Variants in NIBAN2 observed in about 807,000 individuals in gnomAD.
NIBAN2 encodes protein Niban 2.
In NIBAN2, 36 loss-of-function variants were observed where a neutral mutation model predicts 81.8. The ratio of observed to expected loss-of-function variants is 0.44; its 90% CI spans 0.34 to 0.58. The LOEUF (loss-of-function observed/expected upper bound fraction) is 0.58, where lower values mean the gene tolerates loss of function less well. Ranked by LOEUF, NIBAN2 falls within the 20% of genes least tolerant of loss-of-function variation. NIBAN2 has a pLI of 0.02. For missense variants in NIBAN2, 897 were observed against 1,014.1 expected (o/e 0.88, Z 1.57); for synonymous variants, 445 against 441.6 (o/e 1.01, Z -0.10).
At chr9:127,510,670 C>T (rs1443894133) in intron 8 of NIBAN2, among the ~76,000 whole-genome samples, 4 of 152,030 alleles carry the variant, frequency 2.6e-5, no homozygotes, top group African/African-American at 7.2e-5. Context: ...CTCCTCACCT[C>T]GTGATCCACC....
At chr9:127,521,283 G>A (rs776054041) in intron 5 of NIBAN2, among the ~76,000 whole-genome samples, 2 of 152,206 alleles carry the variant, frequency 1.3e-5, no homozygotes, top group African/African-American at 2.4e-5. Context: ...ATGGCAGAGC[G>A]GGGCTTGAAC....
At chr9:127,552,605 G>T in intron 1 of NIBAN2, among the ~76,000 whole-genome samples, 1 of 147,532 alleles carries the variant, frequency 6.8e-6, no homozygotes, top group East Asian at 2.0e-4. Context: ...AAGAAAAATA[G>T]AAAAAGCCTA....
rs566040677 is a variant in NIBAN2 at position 127,553,315 on chromosome 9, T to A, written c.55+15505A>T. 4.7e-4 allele frequency among the ~76,000 whole-genome samples: 71 copies of A among 152,306 alleles called. 1 individual carries two copies. In the South Asian group the frequency reaches 0.014, roughly 31 times the overall value. On this transcript the variant is annotated intron_variant, in intron 1 of 13. Transcript: ENST00000373312. ...GCTGCCAGGTGGGAGCCACAGTGGG[T>A]CTGAGGGGGAGGCCAGAGCTCACCG...
chr9:127,510,681 C>T (rs1479518056), intron 8 of NIBAN2, among the ~76,000 whole-genome samples: 4 of 152,070 alleles, frequency 2.6e-5, no homozygotes, highest in Non-Finnish European at 4.4e-5. Context: ...GTGATCCACC[C>T]GCCTCGGCCT....
chr9:127,553,209 A>G (rs1250366781), intron 1 of NIBAN2, among the ~76,000 whole-genome samples: 1 of 152,232 alleles, frequency 6.6e-6, no homozygotes, highest in African/African-American at 2.4e-5. Context: ...AAGGTGAAAA[A>G]CAATAAAGGG....
rs151147273 is a variant in NIBAN2 at position 127,568,978 on chromosome 9, CCCGCTCCCG to C, written c.-113_-105del. ...ATGGAGCCCGGCCCGCCCTGCTTCC[CCCGCTCCCG>C]CCGCTCCCGCCGCTCCCGCCGCCCG... On this transcript the variant is annotated 5_prime_UTR_variant, in exon 1 of 14. Transcript: ENST00000373312. 800,668 of 1,116,496 alleles carry C rather than the reference CCCGCTCCCG, an allele frequency of 0.72. 288,715 individuals are homozygous for C. Among genetic ancestry groups the C allele is most frequent in the Middle Eastern group, 0.77 (2,013 of 2,602 alleles). The allele number at this position is 1,116,496 out of a possible 1,614,324, so 69.2% of individuals were successfully genotyped here. A position where few individuals can be genotyped will look rare whatever the true frequency, so the allele number is the denominator to read the frequency against.
intron 1 of NIBAN2, among the ~76,000 whole-genome samples, chr9:127,565,816 T>C (rs906949637): frequency 7.0e-6 from 1 of 143,518 alleles, no homozygotes; most frequent in African/African-American, 2.6e-5. Context: ...TGTTAGTTCA[T>C]GGGCGGGAAG....
rs1197392157 is a variant in NIBAN2, at chr9:127,560,306, A to G, written c.55+8514T>C. Among the ~76,000 whole-genome samples, 11 of 152,040 alleles carry G rather than the reference A, an allele frequency of 7.2e-5. No individual in the cohort carries two copies. In the East Asian group the frequency reaches 1.9e-3, roughly 27 times the overall value. ...ACAGCACCATCACTGAGGCCTGGCC[A>G]CGCCACCCACCCTGTACACACATAT... On this transcript the variant is annotated intron_variant, in intron 1 of 13. Coordinates refer to ENST00000373312, the MANE Select transcript of NIBAN2 (RefSeq NM_022833.4).
Position 127,515,963 on chromosome 9 carries a change from C to T in NIBAN2, c.973+894G>A, listed in dbSNP as rs1388168712. ...GACCAGCCTGGGCAACATGGCAAAA[C>T]CCTGTCTCTACAAAAAATACAAAAA... On this transcript the variant is annotated intron_variant, in intron 8 of 13. Transcript: ENST00000373312. Among the ~76,000 whole-genome samples the T allele has an allele frequency of 5.9e-5, 9 of 152,150 alleles. No homozygotes were observed. In the East Asian group the frequency reaches 1.4e-3, roughly 23 times the overall value.
At chr9:127,555,590 T>G (rs971729465) in intron 1 of NIBAN2, among the ~76,000 whole-genome samples, 1 of 151,830 alleles carries the variant, frequency 6.6e-6, no homozygotes, top group African/African-American at 2.4e-5. Context: ...GGCAGGAGGG[T>G]CACGTGAACA....
At chr9:127,575,321 T>G (rs1203046490) in intron 1 of NIBAN2, among the ~76,000 whole-genome samples, 1 of 146,774 alleles carries the variant, frequency 6.8e-6, no homozygotes, top group East Asian at 2.1e-4. Flanking sequence ...CTCAGCCTCC[T>G]GGGTTCAAGC....
chr9:127,569,780 G>A (rs76325570), upstream of NIBAN2, among the ~76,000 whole-genome samples: 672 of 152,380 alleles, frequency 4.4e-3, 10 homozygotes, highest in East Asian at 0.065. Context: ...CCAGTGCCAG[G>A]CGGGCTTGCC....
rs60740827 is a variant in NIBAN2 at position 127,515,520 on chromosome 9, CAAAA to C, written c.973+1333_973+1336del. On this transcript the variant is annotated intron_variant, in intron 8 of 13. Coordinates refer to ENST00000373312, the MANE Select transcript of NIBAN2 (RefSeq NM_022833.4). ...TGGGCGACAGAGCGAGACTCCGTCT[CAAAA>C]AAAAAAAAAAAAAAACAAACAAAAA... 5.5e-5 allele frequency among the ~76,000 whole-genome samples: 5 copies of C among 90,496 alleles called. 1 individual carries two copies. The highest frequency in any genetic ancestry group is 6.1e-5 in the Non-Finnish European group (3 of 49,152). 59.4% of individuals were successfully genotyped at this position (90,496 alleles called of 152,430 possible).
At chr9:127,571,758 T>C (rs1837948517), upstream of NIBAN2, among the ~76,000 whole-genome samples, 1 of 151,876 alleles carries the variant, frequency 6.6e-6, no homozygotes, top group Non-Finnish European at 1.5e-5. Flanking sequence ...TAGGGTGCTA[T>C]GCACACATGT....
chr9:127,569,350 G>C (rs1226639145), upstream of NIBAN2, among the ~76,000 whole-genome samples: 2 of 151,888 alleles, frequency 1.3e-5, no homozygotes, highest in East Asian at 3.9e-4. Context: ...GAGACAAAGA[G>C]AAGGTCCCAG....
rs756382970 is a variant in NIBAN2, at chr9:127,525,139, G to T, written c.340C>A (p.Arg114=). Residue 114 remains arginine (R), a synonymous_variant, in exon 4 of 14, where the codon CGA becomes AGA. Transcript: ENST00000373312. ...TAGCCTGCACTGTTGATGACGGCTC[G>T]TGGTGGGACCTGCCGCTCATAGGCC... The part of the protein sequence containing the change: ...KAAYERQVPP[R]AVINSAGYKI... The T allele has an allele frequency of 6.2e-7, 1 of 1,613,882 alleles. No individual in the cohort carries two copies. Among genetic ancestry groups the T allele is most frequent in the African/African-American group, 1.3e-5 (1 of 75,048 alleles).
At chr9:127,565,880 G>C (rs900373939) in intron 1 of NIBAN2, among the ~76,000 whole-genome samples, 3 of 151,054 alleles carry the variant, frequency 2.0e-5, no homozygotes, top group Non-Finnish European at 4.4e-5. Flanking sequence ...AAGGAGGATT[G>C]GTTGAGCCCA....
intron 2 of NIBAN2, among the ~76,000 whole-genome samples, chr9:127,530,834 C>T (rs535943434): frequency 3.9e-5 from 6 of 152,258 alleles, no homozygotes; most frequent in South Asian, 2.1e-4. Flanking sequence ...GAGTCACCCA[C>T]GGTGACTGAA....
chr9:127,518,341 C>T (rs1836872613), intron 5 of NIBAN2, among the ~76,000 whole-genome samples: 1 of 152,238 alleles, frequency 6.6e-6, no homozygotes, highest in Non-Finnish European at 1.5e-5. Context: ...GTCCCATAAG[C>T]AGCCACCCAG....
Sources: allele counts gnomAD v4.1 joint callset (sites outside exome capture counted in the v4.1 genomes callset), GRCh38; gene constraint gnomAD v4.1.1; transcripts MANE v1.5; gene names NCBI Gene and HGNC (gene_info 2026-07-23, HGNC 2026-07-21).